Variants in MPP4 observed in about 807,000 individuals in gnomAD.
MPP4 encodes the protein MAGUK p55 scaffold protein 4.
In MPP4, 91 loss-of-function variants were observed where a neutral mutation model predicts 98.3. The observed-to-expected ratio is 0.93, with a 90% CI of 0.78 to 1.10. The LOEUF is 1.10. MPP4 is among the 50% of genes least tolerant of loss of function. The pLI is 0.00. For synonymous variants in MPP4, 261 were observed against 271.8 expected (o/e 0.96, Z 0.39); for missense variants, 744 against 792.9 (o/e 0.94, Z 0.74).
At position 201,645,309 on chromosome 2, in the gene MPP4, G is replaced by A. The variant is rs554397809; in HGVS notation, c.1815C>T (p.His605=). ...CAGACAACAACTGGGCACATGCATC[G>A]TGCAAGCTGTCATTCACAATCACAT... The part of the protein sequence containing the change: ...FDHVIVNDSL[H]DACAQLLSAI... Residue 605 remains histidine (H), a synonymous_variant, in exon 22 of 22, where the codon CAC becomes CAT. Transcript: ENST00000409474. 6.2e-6 allele frequency: 10 copies of A among 1,613,984 alleles called. No individual in the cohort carries two copies. The highest frequency in any genetic ancestry group is 2.7e-5 in the African/African-American group (2 of 75,052).
Position 201,687,368 on chromosome 2 carries a change from C to A in MPP4, c.283G>T (p.Val95Leu). Residue 95 changes from valine (V) to leucine (L), a missense_variant, in exon 5 of 22, where the codon GTG becomes TTG. Val to Leu is a conservative substitution (Grantham distance 32). Transcript: ENST00000409474. ...GTAGGGGTTTCACGTAATAACTCCA[C>A]TACCTGGTTCATGGAAAAGGATACA... ...PHAQVLSYEV[V>L]ELLRETPTSP... is the part of the protein sequence containing the mutation. The A allele has an allele frequency of 6.4e-7, 1 of 1,573,030 alleles. No individual in the cohort carries two copies. The highest frequency in any genetic ancestry group is 8.6e-7 in the Non-Finnish European group (1 of 1,157,294).
intron 5 of MPP4, among the ~76,000 whole-genome samples, chr2:201,686,913 C>T (rs1255878164): frequency 6.6e-6 from 1 of 152,136 alleles, no homozygotes; most frequent in East Asian, 1.9e-4. Context: ...CTGTATATTC[C>T]AAATACACAC....
chr2:201,647,103 G>A (rs973494275), intron 21 of MPP4, among the ~76,000 whole-genome samples: 1 of 143,564 alleles, frequency 7.0e-6, no homozygotes, highest in Non-Finnish European at 1.5e-5. Context: ...CATATTTAAT[G>A]TAAAATATAT....
chr2:201,698,035 C>T (rs540129729), intron 1 of MPP4: 5 of 985,598 alleles, frequency 5.1e-6, no homozygotes, highest in Non-Finnish European at 6.0e-6. Flanking sequence ...TAAGTAAGCA[C>T]CCACCACATG....
rs925755307 is a variant in MPP4, at chr2:201,687,434, C to A, written c.280-63G>T. On this transcript the variant is annotated intron_variant, in intron 4 of 21. Coordinates refer to ENST00000409474, the MANE Select transcript of MPP4 (RefSeq NM_033066.3). The stretch of plus-strand genomic sequence containing the variant: ...AAAATCTTTATCACCTACTTAACCT[C>A]ACCCAGGCTGGATAACATACATACT... The A allele has an allele frequency of 4.7e-6, 6 of 1,279,458 alleles. No individual in the cohort carries two copies. The African/African-American group carries it at 8.9e-5, about 19-fold the overall frequency. 79.3% of individuals were successfully genotyped at this position (1,279,458 alleles called of 1,614,324 possible).
intron 18 of MPP4, chr2:201,651,007 G>C: frequency 1.0e-6 from 1 of 984,442 alleles, no homozygotes; most frequent in Non-Finnish European, 1.2e-6. Context: ...TATGTTCCAG[G>C]TATCATGTTA....
chr2:201,656,311 T>C lies in MPP4; in HGVS notation c.1187A>G (p.His396Arg), dbSNP rs1402245514. 6.4e-7 allele frequency: 1 copy of C among 1,564,296 alleles called. No individual in the cohort carries two copies. The highest frequency in any genetic ancestry group is 8.7e-7 in the Non-Finnish European group (1 of 1,153,824). Residue 396 changes from histidine to arginine, a missense_variant, in exon 17 of 22, where the codon CAT becomes CGT. By Grantham distance (29) the His-to-Arg change is conservative. Transcript: ENST00000409474. ...GCTGCCGGTGCAGCACACACTGGCA[T>C]GCAGCGGGCTGAGGTGAGACTTCCT... The part of the protein sequence containing the change: ...CRRKSHLSPL[H>R]ASVCCTGSCY...
At position 201,647,741 on chromosome 2, in the gene MPP4, G is replaced by T; in HGVS notation, c.1669C>A (p.Arg557=). The T allele has an allele frequency of 2.5e-6, 4 of 1,613,816 alleles. No individual in the cohort carries two copies. The highest frequency in any genetic ancestry group is 3.4e-6 in the Non-Finnish European group (4 of 1,179,810). ...TCAGTAATAACCTTGGCATTTTTCC[G>T]AGATTGTTTCATACACCTCATATTC... ...PSNMRCMKQS[R]KNAKVITDYY... The change falls in exon 21 of 22, where the codon CGG becomes AGG. Residue 557 remains arginine (R), a synonymous_variant. Coordinates refer to ENST00000409474, the MANE Select transcript of MPP4 (RefSeq NM_033066.3).
At chr2:201,683,012 G>A (rs1688707452) in intron 7 of MPP4, 96 bp from the exon 8 acceptor site, 7 of 847,118 alleles carry the variant, frequency 8.3e-6, no homozygotes, top group Non-Finnish European at 1.4e-5. Context: ...ACTAACCCAA[G>A]CATGCTCTAA....
chr2:201,653,201 G>A (rs1030864777), intron 18 of MPP4, among the ~76,000 whole-genome samples: 15 of 152,196 alleles, frequency 9.9e-5, no homozygotes, highest in African/African-American at 3.6e-4. Flanking sequence ...TACAAGGACA[G>A]CTACTTCCCA....
chr2:201,654,960 A>G (rs531021015), intron 17 of MPP4, 43 bp from the exon 18 acceptor site: 2 of 1,272,620 alleles, frequency 1.6e-6, no homozygotes, highest in South Asian at 2.7e-5. Context: ...AGATGTGGAT[A>G]AATATAATTA....
chr2:201,661,753 C>T (rs930659124), intron 14 of MPP4, among the ~76,000 whole-genome samples: 3 of 152,066 alleles, frequency 2.0e-5, no homozygotes, highest in South Asian at 2.1e-4. Context: ...CCAGAGAACC[C>T]GCAGTTAGTG....
chr2:201,645,467 G>C (rs1157072676), intron 21 of MPP4, 63 bp from the exon 22 acceptor site: 6 of 1,360,720 alleles, frequency 4.4e-6, no homozygotes, highest in Non-Finnish European at 6.0e-6. Context: ...AAAAAATACA[G>C]TTTGTTATGC....
chr2:201,650,121 A>G lies in MPP4; in HGVS notation c.1426T>C (p.Tyr476His), dbSNP rs373199969. 2.5e-6 allele frequency: 4 copies of G among 1,581,080 alleles called. No homozygotes were observed. Among genetic ancestry groups the G allele is most frequent in the Admixed American group, 3.6e-5 (2 of 55,274 alleles). The change falls in exon 19 of 22, where the codon TAT becomes CAT. Residue 476 changes from tyrosine to histidine, a missense_variant. Tyr to His is a moderately conservative substitution (Grantham distance 83). Transcript: ENST00000409474. ...AATGTTTCCTTGGACACATAGTGAT[A>G]CTCACGCCCATTCATTTCGTAACTC... is the stretch of plus-strand genomic sequence containing the variant. ...KKSYEMNGRE[Y>H]HYVSKETFEN...
intron 10 of MPP4, among the ~76,000 whole-genome samples, chr2:201,679,252 G>T (rs1688602721): frequency 6.6e-6 from 1 of 151,958 alleles, no homozygotes; most frequent in South Asian, 2.1e-4. Context: ...CTCTTGATTT[G>T]CTGTTAAATC....
chr2:201,687,185 T>C (rs751788071), intron 5 of MPP4, 106 bp downstream of exon 5: 1 of 932,030 alleles, frequency 1.1e-6, no homozygotes, highest in East Asian at 2.6e-5. Context: ...TGTACAGTAA[T>C]AGAACATCTA....
intron 16 of MPP4, 26 bp downstream of exon 16, chr2:201,658,451 C>A (rs757262246): frequency 6.2e-7 from 1 of 1,601,744 alleles, no homozygotes; most frequent in Admixed American, 1.7e-5. Context: ...TGACAGAGAC[C>A]CACCTCTTGT....
intron 7 of MPP4, 102 bp downstream of exon 7, chr2:201,684,962 A>AG (rs1688777366): frequency 7.3e-4 from 198 of 270,728 alleles, no homozygotes; most frequent in East Asian, 1.3e-3. Context: ...AAAAAAAAAG[A>AG]AAAAAAAAAA....
At chr2:201,648,826 G>A (rs1250600196) in intron 20 of MPP4, among the ~76,000 whole-genome samples, 1 of 152,230 alleles carries the variant, frequency 6.6e-6, no homozygotes, top group Non-Finnish European at 1.5e-5. Context: ...GGGAGGCTGA[G>A]GCAGGTGGAT....
Sources: gnomAD v4.1 joint callset for allele counts (sites outside exome capture counted in the v4.1 genomes callset) on GRCh38, gnomAD v4.1.1 for gene constraint, MANE v1.5 for transcripts, NCBI Gene and HGNC (gene_info 2026-07-23, HGNC 2026-07-21) for gene names.